Variants in CDC73 observed in about 807,000 individuals in gnomAD.
CDC73 encodes cell division cycle 73.
A neutral mutation model predicts 83.7 loss-of-function variants in CDC73; 21 were observed. The ratio of observed to expected loss-of-function variants is 0.25; its 90% CI spans 0.18 to 0.36. CDC73 has a LOEUF of 0.36. Among genes scored for constraint, CDC73 ranks in the 10% least tolerant of loss-of-function variants. The pLI is 1.00. For synonymous variants in CDC73, 224 were observed against 212.9 expected (o/e 1.05, Z -0.45); for missense variants, 342 against 653.3 (o/e 0.52, Z 5.19).
intron 10 of CDC73, among the ~76,000 whole-genome samples, chr1:193,162,856 C>G (rs1393166071): frequency 6.6e-6 from 1 of 152,030 alleles, no homozygotes; most frequent in East Asian, 1.9e-4. Context: ...CATAAATATT[C>G]TGGAATTGAA....
chr1:193,209,571 C>T (rs776093418), intron 11 of CDC73, among the ~76,000 whole-genome samples: 1 of 152,132 alleles, frequency 6.6e-6, no homozygotes, highest in East Asian at 1.9e-4. Context: ...TCTCCCCCTC[C>T]CCCGTTAAGA....
At chr1:193,180,670 A>G in intron 10 of CDC73, 1 of 1,614,092 alleles carries the variant, frequency 6.2e-7, no homozygotes, top group Non-Finnish European at 8.5e-7. Flanking sequence ...GTCTGGTGGC[A>G]TGTACCACTT....
At chr1:193,149,266 A>AT (rs1676063634) in intron 8 of CDC73, among the ~76,000 whole-genome samples, 1 of 152,086 alleles carries the variant, frequency 6.6e-6, no homozygotes, top group Admixed American at 6.5e-5. Flanking sequence ...TTCATGGACC[A>AT]GGGGGAGGTT....
At chr1:193,177,029 C>G (rs978554782) in intron 10 of CDC73, among the ~76,000 whole-genome samples, 1 of 152,086 alleles carries the variant, frequency 6.6e-6, no homozygotes, top group African/African-American at 2.4e-5. Context: ...CAGATATACT[C>G]TCTTTTCTCT....
At position 193,224,552 on chromosome 1, in the gene CDC73, G is replaced by A. The variant is rs977054600; in HGVS notation, c.1155-8441G>A. On this transcript the variant is annotated intron_variant, in intron 13 of 16. Coordinates refer to ENST00000367435, the MANE Select transcript of CDC73 (RefSeq NM_024529.5). ...GAAATATGCATTCACATATACACAT[G>A]TGAAATATGCATTCACATATACACA... Among the ~76,000 whole-genome samples the A allele has an allele frequency of 1.3e-4, 18 of 143,392 alleles. No homozygotes were observed. In the East Asian group the frequency reaches 3.1e-3, roughly 24 times the overall value. 94.1% of individuals were successfully genotyped at this position (143,392 alleles called of 152,430 possible).
At position 193,249,857 on chromosome 1, in the gene CDC73, G is replaced by A. The variant is rs2102073604; in HGVS notation, c.1545G>A (p.Trp515Ter). The A allele has an allele frequency of 1.2e-6, 2 of 1,612,350 alleles. No homozygotes were observed. Among genetic ancestry groups the A allele is most frequent in the Non-Finnish European group, 8.5e-7 (1 of 1,178,734 alleles). The stretch of plus-strand genomic sequence containing the variant: ...ATAGACCAGTGTTCTTACGGTTTTG[G>A]GAAACATTGGACAGGTAATTCCGAT... ...HLDRPVFLRF[W>*]ETLDRYMVKH... The change falls in exon 16 of 17, where the codon TGG becomes TGA. Residue 515 changes from tryptophan to a stop codon, truncating the protein, a stop_gained. Transcript: ENST00000367435. LOFTEE classifies it high-confidence loss of function.
At chr1:193,193,779 TAGTGTGTGTG>T in intron 10 of CDC73, among the ~76,000 whole-genome samples, 1 of 105,126 alleles carries the variant, frequency 9.5e-6, no homozygotes, top group South Asian at 3.6e-4. Context: ...GTCTTACTTG[TAGTGTGTGTG>T]TGTGTGTGTG....
chr1:193,201,478 C>G (rs560889173), intron 10 of CDC73, among the ~76,000 whole-genome samples: 9 of 152,120 alleles, frequency 5.9e-5, no homozygotes, highest in Non-Finnish European at 1.2e-4. Context: ...TTCCTTGTAG[C>G]TAGTGGTTTT....
intron 10 of CDC73, among the ~76,000 whole-genome samples, chr1:193,178,027 T>C (rs1676641480): frequency 6.6e-6 from 1 of 152,230 alleles, no homozygotes. Flanking sequence ...TATATTTTTA[T>C]GTATATAAAA....
intron 1 of CDC73, among the ~76,000 whole-genome samples, chr1:193,124,204 A>G (rs765638311): frequency 3.3e-5 from 5 of 152,268 alleles, no homozygotes; most frequent in Non-Finnish European, 7.3e-5. Context: ...TTTATTTTCT[A>G]TATGTGCACA....
chr1:193,190,363 G>A (rs1676898340), intron 10 of CDC73, among the ~76,000 whole-genome samples: 1 of 152,138 alleles, frequency 6.6e-6, no homozygotes, highest in South Asian at 2.1e-4. Flanking sequence ...TGGACAAATG[G>A]CTTGTTTTTG....
chr1:193,209,657 T>C (rs1677244194), intron 11 of CDC73, among the ~76,000 whole-genome samples: 1 of 152,202 alleles, frequency 6.6e-6, no homozygotes, highest in African/African-American at 2.4e-5. Context: ...GTTTATATTC[T>C]TTTGCAGTTA....
intron 6 of CDC73, among the ~76,000 whole-genome samples, chr1:193,140,647 C>CT (rs1675888524): frequency 1.3e-5 from 2 of 152,124 alleles, no homozygotes; most frequent in South Asian, 4.1e-4. Context: ...TATTAAGCGA[C>CT]TAACAGGCAG....
At chr1:193,213,074 A>T (rs760626075) in intron 13 of CDC73, among the ~76,000 whole-genome samples, 3 of 152,140 alleles carry the variant, frequency 2.0e-5, no homozygotes, top group Admixed American at 6.5e-5. Context: ...TCCATCCCCA[A>T]CCACTTTCAG....
chr1:193,123,670 A>ATT (rs200816140), intron 1 of CDC73, among the ~76,000 whole-genome samples: 9 of 147,684 alleles, frequency 6.1e-5, no homozygotes, highest in South Asian at 2.1e-4. Flanking sequence ...TTTTTAGTGA[A>ATT]TTTTTTTTTT....
At chr1:193,221,456 G>A (rs1205462871) in intron 13 of CDC73, among the ~76,000 whole-genome samples, 3 of 151,514 alleles carry the variant, frequency 2.0e-5, no homozygotes, top group Non-Finnish European at 4.4e-5. Context: ...TGAATTTGGT[G>A]TTATCCAATC....
intron 10 of CDC73, 133 bp from the exon 11 acceptor site, chr1:193,203,662 T>A (rs1677129136): frequency 1.4e-6 from 1 of 737,612 alleles, no homozygotes; most frequent in South Asian, 1.6e-5. Flanking sequence ...TCATAACATG[T>A]TCAGTGGAGT....
intron 3 of CDC73, among the ~76,000 whole-genome samples, chr1:193,131,461 T>C (rs553606366): frequency 6.6e-6 from 1 of 152,224 alleles, no homozygotes; most frequent in Non-Finnish European, 1.5e-5. Context: ...CCCCACTCTT[T>C]ATTTCCTATA....
intron 13 of CDC73, among the ~76,000 whole-genome samples, chr1:193,224,381 T>C (rs187223478): frequency 2.0e-5 from 3 of 152,050 alleles, no homozygotes; most frequent in East Asian, 3.9e-4. Context: ...CATATACACA[T>C]ATATGAAATA....
Sources: allele counts gnomAD v4.1 joint callset (sites outside exome capture counted in the v4.1 genomes callset), GRCh38; gene constraint gnomAD v4.1.1; transcripts MANE v1.5; gene names NCBI Gene and HGNC (gene_info 2026-07-23, HGNC 2026-07-21).